The following ZNF566 variants were observed in gnomAD, a reference collection of about 807,000 sequenced individuals.
The protein encoded by ZNF566 is zinc finger protein 566.
In ZNF566, 27 loss-of-function variants were observed where a neutral mutation model predicts 32.8. The observed-to-expected ratio is 0.82, with a 90% CI of 0.61 to 1.14. The LOEUF is 1.14. Ranked by LOEUF, ZNF566 falls within the 50% of genes most tolerant of loss-of-function variation. The pLI, the probability that ZNF566 is intolerant of heterozygous loss-of-function variation, is 0.00. For missense variants in ZNF566, 402 were observed against 490.4 expected (o/e 0.82, Z 1.70); for synonymous variants, 154 against 159.5 (o/e 0.97, Z 0.26).
intron 1 of ZNF566, among the ~76,000 whole-genome samples, chr19:36,484,750 C>A (rs1687666034): frequency 6.6e-6 from 1 of 151,882 alleles, no homozygotes; most frequent in Non-Finnish European, 1.5e-5. Context: ...CCACCATGCC[C>A]AGCTAATTTT....
rs1024261313 is a variant in ZNF566, at chr19:36,450,084, C to G, written c.233-83G>C. 3 of 1,187,938 alleles carry G rather than the reference C, an allele frequency of 2.5e-6. No homozygotes were observed. In the East Asian group the frequency reaches 7.1e-5, roughly 28 times the overall value. 73.6% of individuals were successfully genotyped at this position (1,187,938 alleles called of 1,614,324 possible). On this transcript the variant is annotated intron_variant, in intron 4 of 4. Coordinates refer to ENST00000452939, the MANE Select transcript of ZNF566 (RefSeq NM_001145344.1). Reference sequence around the variant, plus strand: ...TTCAATCAATATGGGAGAATTTAACCGAATTTTTTTTACAAATGGATGAGG... The same window carrying G: ...TTCAATCAATATGGGAGAATTTAACGGAATTTTTTTTACAAATGGATGAGG...
chr19:36,473,536 T>C lies in ZNF566; in HGVS notation c.10-78A>G, dbSNP rs552888038. 4.3e-5 allele frequency: 60 copies of C among 1,400,200 alleles called. No individual in the cohort carries two copies. The South Asian group carries it at 8.8e-4, about 21-fold the overall frequency. 86.7% of individuals were successfully genotyped at this position (1,400,200 alleles called of 1,614,324 possible). A position where few individuals can be genotyped will look rare whatever the true frequency, so the allele number is the denominator to read the frequency against. On this transcript the variant is annotated intron_variant, in intron 2 of 4. Coordinates refer to ENST00000452939, the MANE Select transcript of ZNF566 (RefSeq NM_001145344.1). ...GTGAAGGAAAGAGAGAAGAAAAAGA[T>C]TAAGGTAGAGGAAGTAAAATATAGT...
chr19:36,479,756 T>C (rs1431818974), intron 1 of ZNF566, among the ~76,000 whole-genome samples: 1 of 152,238 alleles, frequency 6.6e-6, no homozygotes, highest in African/African-American at 2.4e-5. Flanking sequence ...CACCCCAGCC[T>C]CCTGAGAAGC....
In ZNF566 at chr19:36,448,313, T is replaced by A. The variant is rs1484056940; in HGVS notation, c.*664A>T. The A allele has an allele frequency of 6.6e-6, 1 of 152,178 alleles. No individual in the cohort carries two copies. The highest frequency in any genetic ancestry group is 2.4e-5 in the African/African-American group (1 of 41,460). The allele number at this position is 152,178 out of a possible 1,614,324, so 9.4% of individuals were successfully genotyped here. On this transcript the variant is annotated 3_prime_UTR_variant, in exon 5 of 5. Transcript: ENST00000452939. Reference sequence around the variant, plus strand: ...TTGGCATGTATTATGGCAAAATATCTAGAGGAGACTACGATATCCACCAAT... The same window carrying A: ...TTGGCATGTATTATGGCAAAATATCAAGAGGAGACTACGATATCCACCAAT...
chr19:36,481,489 A>AAAC (rs2145704646), intron 1 of ZNF566, among the ~76,000 whole-genome samples: 1 of 147,306 alleles, frequency 6.8e-6, no homozygotes, highest in East Asian at 2.0e-4. Context: ...AAAAAAAAAA[A>AAAC]AAAAAAGAAA....
intron 4 of ZNF566, among the ~76,000 whole-genome samples, chr19:36,471,555 G>A (rs1022971556): frequency 2.0e-5 from 3 of 151,984 alleles, no homozygotes; most frequent in Admixed American, 6.6e-5. Context: ...CTGCCCAAAC[G>A]TTACCATATC....
At chr19:36,479,015 T>G (rs1411508012) in intron 1 of ZNF566, among the ~76,000 whole-genome samples, 2 of 152,164 alleles carry the variant, frequency 1.3e-5, no homozygotes, top group Admixed American at 1.3e-4. Context: ...TGCTGTGCCA[T>G]GAGTAATAAA....
At chr19:36,466,584 TC>T (rs1031308029) in intron 4 of ZNF566, among the ~76,000 whole-genome samples, 97 of 152,052 alleles carry the variant, frequency 6.4e-4, no homozygotes, top group African/African-American at 2.2e-3. Context: ...CTTAACTGAG[TC>T]CCTACGAGTG....
chr19:36,473,263 G>A, intron 3 of ZNF566, 69 bp downstream of exon 3: 4 of 1,568,088 alleles, frequency 2.6e-6, no homozygotes, highest in Admixed American at 1.7e-5. Flanking sequence ...AGCCAGGTGA[G>A]CATTTCACAT....
rs558622169 is a variant in ZNF566 at position 36,449,787 on chromosome 19, C to A, written c.447G>T (p.Leu149=). The change falls in exon 5 of 5, where the codon CTG becomes CTT. Residue 149 remains leucine (L), a synonymous_variant. Transcript: ENST00000452939. Reference sequence around the variant, plus strand: ...AGGATGGATGGTGACTCAAAGTGGGCAGATCTTCATGAGTGAATACCAATT... The same window carrying A: ...AGGATGGATGGTGACTCAAAGTGGGAAGATCTTCATGAGTGAATACCAATT... ...FNQLVFTHED[L]PTLSHHPSFT... is the part of the protein sequence containing the mutation. The A allele has an allele frequency of 1.4e-5, 22 of 1,614,004 alleles. No homozygotes were observed. The highest frequency in any genetic ancestry group is 1.8e-5 in the Non-Finnish European group (21 of 1,180,022).
rs1172587099 is a variant in ZNF566 at position 36,447,652 on chromosome 19, A to G, written c.*1325T>C. ...ACTTTTTTTCCTCATTAGTGCACCA[A>G]TATTTTGCTTATGTTCTCTTTTCTT... On this transcript the variant is annotated 3_prime_UTR_variant, in exon 5 of 5. Coordinates refer to ENST00000452939, the MANE Select transcript of ZNF566 (RefSeq NM_001145344.1). The G allele has an allele frequency of 6.6e-6, 1 of 152,034 alleles. No individual in the cohort carries two copies. Among genetic ancestry groups the G allele is most frequent in the Non-Finnish European group, 1.5e-5 (1 of 68,000 alleles). The allele number at this position is 152,034 out of a possible 1,614,324, so 9.4% of individuals were successfully genotyped here.
chr19:36,479,422 C>T (rs991545156), intron 1 of ZNF566, among the ~76,000 whole-genome samples: 2 of 152,084 alleles, frequency 1.3e-5, no homozygotes, highest in African/African-American at 4.8e-5. Context: ...AAATCAATTG[C>T]ATTTCTAGTA....
chr19:36,485,759 T>C (rs763515431), intron 1 of ZNF566, among the ~76,000 whole-genome samples: 2 of 135,882 alleles, frequency 1.5e-5, no homozygotes, highest in African/African-American at 2.9e-5. Flanking sequence ...CAAGACTTCG[T>C]CTCAAAAAAA....
At chr19:36,453,503 AT>A (rs2033219450) in intron 4 of ZNF566, among the ~76,000 whole-genome samples, 1 of 77,958 alleles carries the variant, frequency 1.3e-5, no homozygotes, top group African/African-American at 5.7e-5. Flanking sequence ...AAATAAATAA[AT>A]AAATTAATTA....
intron 1 of ZNF566, among the ~76,000 whole-genome samples, chr19:36,481,473 GAA>G (rs79028574): frequency 0.18 from 20,396 of 110,304 alleles, 1,792 homozygotes; most frequent in Middle Eastern, 0.23. Flanking sequence ...ACTGTCTCGG[GAA>G]AAAAAAAAAA....
chr19:36,466,520 CAT>C (rs1185953707), intron 4 of ZNF566, among the ~76,000 whole-genome samples: 6 of 152,136 alleles, frequency 3.9e-5, no homozygotes, highest in Admixed American at 3.9e-4. Context: ...GCTGACTATA[CAT>C]ATGTGATGAT....
At chr19:36,467,165 G>A (rs926490866) in intron 4 of ZNF566, among the ~76,000 whole-genome samples, 2 of 151,448 alleles carry the variant, frequency 1.3e-5, no homozygotes, top group African/African-American at 4.9e-5. Context: ...GCTGGGCATG[G>A]TGGCTCACGC....
intron 1 of ZNF566, among the ~76,000 whole-genome samples, chr19:36,479,831 C>A (rs954268177): frequency 6.7e-6 from 1 of 150,326 alleles, no homozygotes; most frequent in African/African-American, 2.4e-5. Flanking sequence ...TGTTTGTTTG[C>A]GTGTTTGCTT....
chr19:36,448,083 C>T lies in ZNF566; in HGVS notation c.*894G>A, dbSNP rs2033041122. ...CCATTTTATAATTTTTACTGAGACACGCATGTATATATGAACAGAAAAATG... is the reference window on the plus strand; with the variant it reads ...CCATTTTATAATTTTTACTGAGACATGCATGTATATATGAACAGAAAAATG... On this transcript the variant is annotated 3_prime_UTR_variant, in exon 5 of 5. Transcript: ENST00000452939. 1 of 151,974 alleles carries T rather than the reference C, an allele frequency of 6.6e-6. No homozygotes were observed. Among genetic ancestry groups the T allele is most frequent in the Non-Finnish European group, 1.5e-5 (1 of 67,986 alleles). 9.4% of individuals were successfully genotyped at this position (151,974 alleles called of 1,614,324 possible).
Sources: allele counts gnomAD v4.1 joint callset (sites outside exome capture counted in the v4.1 genomes callset), GRCh38; gene constraint gnomAD v4.1.1; transcripts MANE v1.5; gene names NCBI Gene and HGNC (gene_info 2026-07-23, HGNC 2026-07-21).